Variants in MSLN observed in about 807,000 individuals in gnomAD.
The protein encoded by MSLN is mesothelin, also known as CAK1 antigen.
In MSLN, 82 loss-of-function variants were observed where a neutral mutation model predicts 72.6. That is an observed-to-expected ratio of 1.13 (90% CI 0.94 to 1.36). The LOEUF is 1.36. MSLN is among the 40% of genes most tolerant of loss of function. The pLI is 0.00. For missense variants in MSLN, 1,005 were observed against 847.9 expected (o/e 1.19, Z -2.30); for synonymous variants, 456 against 387.3 (o/e 1.18, Z -2.08).
intron 15 of MSLN, 50 bp downstream of exon 15, chr16:767,062 C>T: frequency 6.2e-7 from 1 of 1,609,848 alleles, no homozygotes; most frequent in Non-Finnish European, 8.5e-7. Context: ...GGGGGAAGCA[C>T]AGACTCCACT....
At position 768,534 on chromosome 16, in the gene MSLN, C is replaced by T. The variant is rs141297892; in HGVS notation, c.1752C>T (p.Asn584=). Residue 584 remains asparagine (N), a synonymous_variant, in exon 17 of 18, where the codon AAC becomes AAT. Coordinates refer to ENST00000545450, the MANE Select transcript of MSLN (RefSeq NM_005823.6). ...TGGGGCTACAGGGCGGCATCCCCAA[C>T]GGCTACCTGGTCCTAGACCTCAGCA... ...LGLGLQGGIP[N]GYLVLDLSMQ... 41 of 1,601,672 alleles carry T rather than the reference C, an allele frequency of 2.6e-5. No individual in the cohort carries two copies. Among genetic ancestry groups the T allele is most frequent in the African/African-American group, 5.4e-5 (4 of 74,736 alleles).
intron 6 of MSLN, 34 bp from the exon 7 acceptor site, chr16:764,613 G>C: frequency 5.6e-6 from 9 of 1,596,136 alleles, no homozygotes; most frequent in Non-Finnish European, 7.7e-6. Flanking sequence ...GTGGCGGCTC[G>C]AAACGCTCTG....
At position 766,763 on chromosome 16, in the gene MSLN, C is replaced by T. The variant is rs1206798870; in HGVS notation, c.1326C>T (p.Cys442=). The change falls in exon 14 of 18, where the codon TGC becomes TGT. Residue 442 remains cysteine (C), a synonymous_variant. Coordinates refer to ENST00000545450, the MANE Select transcript of MSLN (RefSeq NM_005823.6). ...CCGCCTTCTACCCTGGGTACCTGTG[C>T]TCCCTCAGCCCCGAGGAGCTGAGCT... The part of the protein sequence containing the change: ...TLTAFYPGYL[C]SLSPEELSSV... 1.9e-6 allele frequency: 3 copies of T among 1,612,522 alleles called. No homozygotes were observed. Among genetic ancestry groups the T allele is most frequent in the African/African-American group, 2.7e-5 (2 of 74,926 alleles).
rs777096397 is a variant in MSLN at position 765,527 on chromosome 16, C to T, written c.705C>T (p.Gly235=). ...TGAGCTGTGTCCCGTGTCTGCACAG[C>T]CCCCCGTCGACATGGTCTGTCTCCA... ...AALQGGGPPY[G]PPSTWSVSTM... is the part of the protein sequence containing the mutation. Residue 235 remains glycine, a splice_region_variant and synonymous_variant, in exon 10 of 18, where the codon GGC becomes GGT. Coordinates refer to ENST00000545450, the MANE Select transcript of MSLN (RefSeq NM_005823.6). The T allele has an allele frequency of 2.1e-5, 33 of 1,603,310 alleles. 1 individual carries two copies. In the South Asian group the frequency reaches 3.3e-4, roughly 16 times the overall value.
intron 2 of MSLN, among the ~76,000 whole-genome samples, chr16:761,893 G>T (rs911129654): frequency 6.6e-6 from 1 of 152,212 alleles, no homozygotes; most frequent in Admixed American, 6.5e-5. Context: ...ATTCTACTCC[G>T]CCATGGTGGC....
rs566910560 is a variant in MSLN, at chr16:764,052, C to G, written c.209C>G (p.Pro70Arg). 3.7e-6 allele frequency: 6 copies of G among 1,604,400 alleles called. No individual in the cohort carries two copies. Among genetic ancestry groups the G allele is most frequent in the African/African-American group, 2.7e-5 (2 of 75,030 alleles). ...SLSPRQLLGF[P>R]CAEVSGLSTE... ...TCCCCTCGCCAACTCCTTGGCTTCC[C>G]GTGTGCGGAGGTGTCCGGCCTGAGC... The change falls in exon 6 of 18, where the codon CCG becomes CGG. Residue 70 changes from proline (P) to arginine (R), a missense_variant. Coordinates refer to ENST00000545450, the MANE Select transcript of MSLN (RefSeq NM_005823.6).
In MSLN at chr16:766,742, C is replaced by G. The variant is rs112462618; in HGVS notation, c.1305C>G (p.Ala435=). 5.6e-6 allele frequency: 9 copies of G among 1,612,668 alleles called. No homozygotes were observed. In the East Asian group the frequency reaches 2.0e-4, roughly 36 times the overall value. The change falls in exon 14 of 18, where the codon GCC becomes GCG. Residue 435 remains alanine, a synonymous_variant. Transcript: ENST00000545450. ...LDKDTLDTLT[A]FYPGYLCSLS... ...AAGACACCCTAGACACCCTGACCGC[C>G]TTCTACCCTGGGTACCTGTGCTCCC...
At position 766,363 on chromosome 16, in the gene MSLN, T is replaced by G. The variant is rs770449101; in HGVS notation, c.1103T>G (p.Val368Gly). The change falls in exon 13 of 18, where the codon GTG becomes GGG. Residue 368 changes from valine to glycine, a missense_variant. By Grantham distance (109) the Val-to-Gly change is moderately radical. Coordinates refer to ENST00000545450, the MANE Select transcript of MSLN (RefSeq NM_005823.6). ...ELYPQGYPES[V>G]IQHLGYLFLK... Reference sequence around the variant, plus strand: ...TACCCACAAGGTTACCCCGAGTCTGTGATCCAGCACCTGGGCTACCTCTTC... The same window carrying G: ...TACCCACAAGGTTACCCCGAGTCTGGGATCCAGCACCTGGGCTACCTCTTC... 6.2e-7 allele frequency: 1 copy of G among 1,612,714 alleles called. No homozygotes were observed. The highest frequency in any genetic ancestry group is 8.5e-7 in the Non-Finnish European group (1 of 1,179,926).
At chr16:761,946 C>T (rs115225831) in intron 2 of MSLN, among the ~76,000 whole-genome samples, 2 of 152,190 alleles carry the variant, frequency 1.3e-5, no homozygotes, top group African/African-American at 2.4e-5. Context: ...CCCTCTTCTG[C>T]GAGCCCCACC....
At position 767,356 on chromosome 16, in the gene MSLN, G is replaced by T. The variant is rs749321643; in HGVS notation, c.1502-20G>T. 154 of 1,608,368 alleles carry T rather than the reference G, an allele frequency of 9.6e-5. No individual in the cohort carries two copies. The highest frequency in any genetic ancestry group is 1.3e-4 in the Non-Finnish European group (148 of 1,177,014). On this transcript the variant is annotated intron_variant, in intron 15 of 17. Transcript: ENST00000545450. ...GGTGTGAGGTGAGGCCTCAGCTCGG[G>T]CCCCTCTCCCGGCGGGCAGGTGGGG...
rs1253307337 is a variant in MSLN, at chr16:764,185, C to A, written c.300+42C>A. The A allele has an allele frequency of 1.9e-6, 3 of 1,583,866 alleles. No individual in the cohort carries two copies. The Admixed American group carries it at 5.1e-5, about 27-fold the overall frequency. Reference sequence around the variant, plus strand: ...CTGAGGCAGGTGGGCACAGCTGGGGCTGAGGAATTCACAGGCAGCTCTGCA... The same window carrying A: ...CTGAGGCAGGTGGGCACAGCTGGGGATGAGGAATTCACAGGCAGCTCTGCA... On this transcript the variant is annotated intron_variant, in intron 6 of 17. Coordinates refer to ENST00000545450, the MANE Select transcript of MSLN (RefSeq NM_005823.6).
intron 11 of MSLN, 60 bp downstream of exon 11, chr16:765,850 A>C (rs1189156971): frequency 1.3e-6 from 2 of 1,517,028 alleles, no homozygotes; most frequent in African/African-American, 2.7e-5. Context: ...GGGGGTGGGC[A>C]TCACTTTAGG....
chr16:765,301 C>A lies in MSLN; in HGVS notation c.702C>A (p.Tyr234Ter). ...RAALQGGGPP[Y>*]GPPSTWSVST... ...CTCTGCAGGGCGGGGGACCCCCCTA[C>A]GGGTAAGTGAAGGTGTCTGGAACCT... The change falls in exon 9 of 18, where the codon TAC becomes TAA. Residue 234 changes from tyrosine to a stop codon, truncating the protein, a stop_gained and splice_region_variant. Transcript: ENST00000545450. LOFTEE classifies it high-confidence loss of function. The A allele has an allele frequency of 6.4e-7, 1 of 1,569,246 alleles. No homozygotes were observed. Among genetic ancestry groups the A allele is most frequent in the South Asian group, 1.1e-5 (1 of 87,724 alleles).
intron 15 of MSLN, 147 bp downstream of exon 15, chr16:767,159 T>C (rs2041626546): frequency 1.5e-6 from 2 of 1,369,654 alleles, no homozygotes; most frequent in Admixed American, 3.8e-5. Flanking sequence ...GGGGTGTGTA[T>C]GGCCTTAGGG....
At position 765,153 on chromosome 16, in the gene MSLN, T is replaced by C; in HGVS notation, c.554T>C (p.Leu185Pro). The change falls in exon 9 of 18, where the codon CTG becomes CCG. Residue 185 changes from leucine (L) to proline (P), a missense_variant. Coordinates refer to ENST00000545450, the MANE Select transcript of MSLN (RefSeq NM_005823.6). ...CTGAGCGAGGCTGATGTGCGGGCTC[T>C]GGGAGGCCTGGCTTGCGACCTGCCT... The part of the protein sequence containing the change: ...SLLSEADVRA[L>P]GGLACDLPGR... 3 of 1,603,320 alleles carry C rather than the reference T, an allele frequency of 1.9e-6. No individual in the cohort carries two copies. The highest frequency in any genetic ancestry group is 2.5e-6 in the Non-Finnish European group (3 of 1,178,900).
chr16:765,292 AC>A lies in MSLN; in HGVS notation c.699del (p.Tyr234ThrfsTer78), dbSNP rs1304207931. On this transcript the variant is annotated frameshift_variant, in exon 9 of 18. Transcript: ENST00000545450. LOFTEE classifies it high-confidence loss of function. ...CCAGGGCGGCTCTGCAGGGCGGGGG[AC>A]CCCCCTACGGGTAAGTGAAGGTGTC... ...AARAALQGGG[P>X]PYGPPSTWSV... 1.9e-6 allele frequency: 3 copies of A among 1,575,368 alleles called. No homozygotes were observed. The highest frequency in any genetic ancestry group is 1.7e-6 in the Non-Finnish European group (2 of 1,167,296).
Position 764,915 on chromosome 16 carries a change from C to G in MSLN, c.389C>G (p.Ala130Gly). 6.2e-7 allele frequency: 1 copy of G among 1,611,708 alleles called. No homozygotes were observed. The highest frequency in any genetic ancestry group is 1.3e-5 in the African/African-American group (1 of 75,040). Residue 130 changes from alanine (A) to glycine (G), a missense_variant, in exon 8 of 18, where the codon GCG (alanine) becomes GGG (glycine). Physicochemically the swap from Ala to Gly is moderately conservative, Grantham distance 60. Coordinates refer to ENST00000545450, the MANE Select transcript of MSLN (RefSeq NM_005823.6). Reference protein sequence around the residue: ...LDLLLFLNPDAFSGPQACTRF... With the variant: ...LDLLLFLNPDGFSGPQACTRF... ...GCACCCTCTCTTCACAGCCCAGATG[C>G]GTTCTCGGGGCCCCAGGCCTGCACC...
At position 767,004 on chromosome 16, in the gene MSLN, C is replaced by T. The variant is rs761739553; in HGVS notation, c.1493C>T (p.Ser498Phe). 3 of 1,612,578 alleles carry T rather than the reference C, an allele frequency of 1.9e-6. No individual in the cohort carries two copies. The highest frequency in any genetic ancestry group is 1.1e-5 in the South Asian group (1 of 91,070). ...TCCGAATACTTCGTGAAGATCCAGT[C>T]CTTCCTGGGTGAGCCAGGGAGTCCC... ...NGSEYFVKIQ[S>F]FLGGAPTEDL... The change falls in exon 15 of 18, where the codon TCC becomes TTC. Residue 498 changes from serine (S) to phenylalanine (F), a missense_variant. By Grantham distance (155) the Ser-to-Phe change is radical (BLOSUM62 -2). Coordinates refer to ENST00000545450, the MANE Select transcript of MSLN (RefSeq NM_005823.6).
chr16:765,020 C>G lies in MSLN; in HGVS notation c.494C>G (p.Ala165Gly), dbSNP rs369844688. The G allele has an allele frequency of 1.2e-6, 2 of 1,611,506 alleles. No individual in the cohort carries two copies. The highest frequency in any genetic ancestry group is 1.7e-6 in the Non-Finnish European group (2 of 1,179,462). Residue 165 changes from alanine (A) to glycine (G), a missense_variant, in exon 8 of 18, where the codon GCG (alanine) becomes GGG (glycine). By Grantham distance (60) the Ala-to-Gly change is moderately conservative. Transcript: ENST00000545450. Reference protein sequence around the residue: ...GAPERQRLLPAALACWGVRGS... With the variant: ...GAPERQRLLPGALACWGVRGS... ...CCCGAGCGACAGCGGCTGCTGCCTG[C>G]GGCTCTGGCCTGCTGGGTAGGGGCT... is the stretch of plus-strand genomic sequence containing the variant.
Sources: gnomAD v4.1 joint callset for allele counts (sites outside exome capture counted in the v4.1 genomes callset) on GRCh38, gnomAD v4.1.1 for gene constraint, MANE v1.5 for transcripts, NCBI Gene and HGNC (gene_info 2026-07-23, HGNC 2026-07-21) for gene names.